The following HDAC9 variants were observed in gnomAD, a reference collection of about 807,000 sequenced individuals.
The protein encoded by HDAC9 is histone deacetylase 9.
A neutral mutation model predicts 139.4 loss-of-function variants in HDAC9; 41 were observed. That is an observed-to-expected ratio of 0.29 (90% CI 0.23 to 0.38). HDAC9 has a LOEUF of 0.38. Ranked by LOEUF, HDAC9 falls within the 10% of genes least tolerant of loss-of-function variation. HDAC9 has a pLI of 1.00. For missense variants in HDAC9, 1,147 were observed against 1,297.0 expected, an observed-to-expected ratio of 0.88 and a Z score of 1.78; for synonymous variants, 517 against 476.2, an observed-to-expected ratio of 1.09 and a Z score of -1.12.
chr7:18,212,507 A>G (rs1179794835), intron 2 of HDAC9, among the ~76,000 whole-genome samples: 3 of 152,190 alleles, frequency 2.0e-5, no homozygotes, highest in Non-Finnish European at 1.5e-5. Context: ...TGGCTGTATC[A>G]TTCACTGACT....
intron 1 of HDAC9, among the ~76,000 whole-genome samples, chr7:18,411,477 C>T (rs1788543422): frequency 1.3e-5 from 2 of 151,828 alleles, no homozygotes; most frequent in African/African-American, 2.4e-5. Flanking sequence ...TGGGTTCAAG[C>T]GATCCTCCTG....
At chr7:18,239,834 A>T (rs1562782301) in intron 2 of HDAC9, among the ~76,000 whole-genome samples, 2 of 152,192 alleles carry the variant, frequency 1.3e-5, no homozygotes, top group African/African-American at 4.8e-5. Context: ...ATACTGGGTA[A>T]AAGTTCCAAG....
At chr7:18,355,608 A>G (rs1316809311) in intron 1 of HDAC9, among the ~76,000 whole-genome samples, 1 of 152,182 alleles carries the variant, frequency 6.6e-6, no homozygotes, top group Non-Finnish European at 1.5e-5. Context: ...GTGAATTTTC[A>G]GAGACATTAG....
intron 17 of HDAC9, among the ~76,000 whole-genome samples, chr7:18,802,588 C>G (rs767909440): frequency 7.3e-5 from 11 of 151,618 alleles, no homozygotes; most frequent in Non-Finnish European, 1.5e-4. Context: ...TCTATAATGG[C>G]TATTTAAAAA....
chr7:18,275,091 G>A (rs1796630395), intron 2 of HDAC9, among the ~76,000 whole-genome samples: 1 of 151,994 alleles, frequency 6.6e-6, no homozygotes, highest in Non-Finnish European at 1.5e-5. Flanking sequence ...TGAATTGCTA[G>A]CATTTCAGCA....
chr7:18,180,651 C>T (rs528014720), intron 2 of HDAC9, among the ~76,000 whole-genome samples: 1 of 152,190 alleles, frequency 6.6e-6, no homozygotes, highest in Non-Finnish European at 1.5e-5. Flanking sequence ...TCTGCCCTAA[C>T]TAACTTTGGG....
intron 24 of HDAC9, among the ~76,000 whole-genome samples, chr7:18,955,350 T>C (rs551016133): frequency 6.6e-6 from 1 of 152,238 alleles, no homozygotes; most frequent in East Asian, 1.9e-4. Flanking sequence ...TCATTCTAGA[T>C]TTCAAAGCAA....
intron 2 of HDAC9, among the ~76,000 whole-genome samples, chr7:18,246,407 A>T (rs895057527): frequency 6.6e-6 from 1 of 151,986 alleles, no homozygotes; most frequent in African/African-American, 2.4e-5. Flanking sequence ...TGTACGATTC[A>T]TTGGCATTTC....
chr7:18,854,920 A>G (rs1271111887), intron 21 of HDAC9, among the ~76,000 whole-genome samples: 1 of 152,154 alleles, frequency 6.6e-6, no homozygotes, highest in Admixed American at 6.6e-5. Flanking sequence ...CAACATGGTG[A>G]GTGCCTGCGT....
At position 18,116,750 on chromosome 7, in the gene HDAC9, T is replaced by C. The variant is rs571656345; in HGVS notation, c.-97+29537T>C. ...TCACCAAATTCAGTGCTGTATTTCA[T>C]AGTGATTGACTCAGAGGAGAAAGAT... is the stretch of plus-strand genomic sequence containing the variant. On this transcript the variant is annotated intron_variant, in intron 1 of 12. Transcript: ENST00000417496. 1.4e-3 allele frequency among the ~76,000 whole-genome samples: 219 copies of C among 152,272 alleles called. 2 individuals are homozygous for C. The highest frequency in any genetic ancestry group is 0.01 in the South Asian group (50 of 4,820).
At chr7:18,476,241 T>C (rs533860232) in intron 1 of HDAC9, among the ~76,000 whole-genome samples, 1 of 152,314 alleles carries the variant, frequency 6.6e-6, no homozygotes, top group East Asian at 1.9e-4. Context: ...TCCCACAGTG[T>C]GGCATCACCT....
Position 18,351,131 on chromosome 7 carries a change from G to A in HDAC9, c.-42+60616G>A, listed in dbSNP as rs148684700. ...TTTTTTCTGCTTTATTTTTTATTGC[G>A]TTAAACATAATCACAATGATTTATT... On this transcript the variant is annotated intron_variant, in intron 1 of 3. Transcript: ENST00000413509. 2.3e-3 allele frequency among the ~76,000 whole-genome samples: 356 copies of A among 151,884 alleles called. 2 individuals are homozygous for A. The highest frequency in any genetic ancestry group is 3.4e-3 in the Non-Finnish European group (229 of 67,978).
At chr7:18,170,704 A>G (rs1226450711) in intron 2 of HDAC9, among the ~76,000 whole-genome samples, 4 of 152,184 alleles carry the variant, frequency 2.6e-5, no homozygotes, top group Non-Finnish European at 4.4e-5. Context: ...TAAACAGGGT[A>G]TCCTTTCCCA....
chr7:18,578,180 C>T (rs773878215), intron 2 of HDAC9: 4 of 518,970 alleles, frequency 7.7e-6, no homozygotes, highest in Non-Finnish European at 1.2e-5. Context: ...GAGTGACCTC[C>T]ACAAACTGAG....
chr7:18,388,366 C>T (rs1000277021), intron 1 of HDAC9, among the ~76,000 whole-genome samples: 1 of 152,162 alleles, frequency 6.6e-6, no homozygotes, highest in African/African-American at 2.4e-5. Context: ...GCTTTCAGAG[C>T]CCCCATCCCT....
At chr7:18,229,398 A>T (rs563475914) in intron 2 of HDAC9, among the ~76,000 whole-genome samples, 19 of 152,288 alleles carry the variant, frequency 1.2e-4, no homozygotes, top group African/African-American at 4.6e-4. Flanking sequence ...AGAAAATTGT[A>T]GTTGTTAAAA....
At chr7:18,556,498 A>C (rs1292933589) in intron 2 of HDAC9, among the ~76,000 whole-genome samples, 1 of 152,068 alleles carries the variant, frequency 6.6e-6, no homozygotes, top group Non-Finnish European at 1.5e-5. Context: ...CGATAGCAGT[A>C]TCCTATGTGA....
intron 1 of HDAC9, among the ~76,000 whole-genome samples, chr7:18,416,018 G>C (rs1215813305): frequency 6.6e-6 from 1 of 152,024 alleles, no homozygotes; most frequent in African/African-American, 2.4e-5. Context: ...TTGCAGCCAG[G>C]CTCAGTGACT....
At chr7:18,863,757 C>T (rs187867238) in intron 21 of HDAC9, among the ~76,000 whole-genome samples, 1 of 152,084 alleles carries the variant, frequency 6.6e-6, no homozygotes, top group East Asian at 1.9e-4. Context: ...TTAGGAATGA[C>T]AGAGGTGGGG....
Sources: gnomAD v4.1 joint callset for allele counts (sites outside exome capture counted in the v4.1 genomes callset) on GRCh38, gnomAD v4.1.1 for gene constraint, MANE v1.5 for transcripts, NCBI Gene and HGNC (gene_info 2026-07-23, HGNC 2026-07-21) for gene names.